HSDL1: variants seen among roughly 807,000 people sequenced by gnomAD.
HSDL1 encodes the protein inactive hydroxysteroid dehydrogenase-like protein 1.
In HSDL1, 29 loss-of-function variants were observed where a neutral mutation model predicts 31.5. The ratio of observed to expected loss-of-function variants is 0.92; its 90% CI spans 0.69 to 1.26. The LOEUF is 1.26. HSDL1 is among the 50% of genes most tolerant of loss of function. The pLI, the probability that HSDL1 is intolerant of heterozygous loss-of-function variation, is 0.00. For missense variants in HSDL1, 503 were observed against 416.6 expected, an observed-to-expected ratio of 1.21 and a Z score of -1.81; for synonymous variants, 222 against 155.2, an observed-to-expected ratio of 1.43 and a Z score of -3.20.
chr16:84,134,591 G>A (rs1013815748), intron 2 of HSDL1, among the ~76,000 whole-genome samples: 6 of 152,070 alleles, frequency 3.9e-5, no homozygotes, highest in South Asian at 2.1e-4. Flanking sequence ...CAGCCTGGGC[G>A]ACAGAGTTAG....
intron 1 of HSDL1, among the ~76,000 whole-genome samples, chr16:84,139,047 A>T (rs1163245666): frequency 6.6e-6 from 1 of 152,208 alleles, no homozygotes; most frequent in Non-Finnish European, 1.5e-5. Flanking sequence ...AATGCGTGTG[A>T]CGTGGGGCGG....
chr16:84,137,790 C>G (rs569393359), intron 1 of HSDL1, among the ~76,000 whole-genome samples: 1 of 152,356 alleles, frequency 6.6e-6, no homozygotes, highest in Admixed American at 6.5e-5. Context: ...ATTTCAAAAG[C>G]TCATAGCCTC....
In HSDL1 at chr16:84,130,575, A is replaced by G. The variant is rs547705959; in HGVS notation, c.221-144T>C. 9.3e-5 allele frequency: 61 copies of G among 659,142 alleles called. 1 individual carries two copies. Among genetic ancestry groups the G allele is most frequent in the South Asian group, 8.9e-4 (47 of 52,742 alleles). The allele number at this position is 659,142 out of a possible 1,614,324, so 40.8% of individuals were successfully genotyped here. On this transcript the variant is annotated intron_variant, in intron 3 of 5. Transcript: ENST00000219439. Reference sequence around the variant, plus strand: ...GTTCTAGTATCTACAAGTCAAGGACACTGTTGCTGAATGAGGAATGTGAAG... The same window carrying G: ...GTTCTAGTATCTACAAGTCAAGGACGCTGTTGCTGAATGAGGAATGTGAAG...
chr16:84,144,127 T>C (rs1275173102), intron 1 of HSDL1, among the ~76,000 whole-genome samples: 1 of 148,382 alleles, frequency 6.7e-6, no homozygotes, highest in Non-Finnish European at 1.5e-5. Context: ...GAGAGCTCAC[T>C]TTATGCAAAA....
intron 1 of HSDL1, among the ~76,000 whole-genome samples, chr16:84,143,196 C>A (rs889865208): frequency 1.3e-5 from 2 of 152,282 alleles, no homozygotes; most frequent in Middle Eastern, 3.4e-3. Flanking sequence ...CAGAAACAAA[C>A]AAAATGTCCA....
At chr16:84,136,040 C>T (rs1481019291) in intron 1 of HSDL1, among the ~76,000 whole-genome samples, 1 of 152,242 alleles carries the variant, frequency 6.6e-6, no homozygotes, top group Non-Finnish European at 1.5e-5. Flanking sequence ...CTGGGCCTCC[C>T]ACTGCCTCAC....
At chr16:84,141,157 C>G (rs938425376) in intron 1 of HSDL1, among the ~76,000 whole-genome samples, 2 of 152,176 alleles carry the variant, frequency 1.3e-5, no homozygotes, top group African/African-American at 4.8e-5. Flanking sequence ...GGAACCACAC[C>G]ACATGGACCC....
chr16:84,128,150 G>A (rs11641676), intron 5 of HSDL1, among the ~76,000 whole-genome samples: 57,975 of 151,340 alleles, frequency 0.38, 11,321 homozygotes, highest in East Asian at 0.66. Flanking sequence ...TTTGCTGGGC[G>A]TGGTGGCAGG....
In HSDL1 at chr16:84,124,336, T is replaced by C. The variant is rs1051176938; in HGVS notation, c.*294A>G. The C allele has an allele frequency of 9.0e-6, 2 of 221,786 alleles. No homozygotes were observed. The highest frequency in any genetic ancestry group is 1.8e-5 in the Non-Finnish European group (2 of 110,354). 13.7% of individuals were successfully genotyped at this position (221,786 alleles called of 1,614,324 possible). A position where few individuals can be genotyped will look rare whatever the true frequency, so the allele number is the denominator to read the frequency against. The stretch of plus-strand genomic sequence containing the variant: ...ATCATATTATATTTCAATATTAGAC[T>C]GCTGTGGCTCTAGAACAACAGAAAA... On this transcript the variant is annotated 3_prime_UTR_variant, in exon 6 of 6. Transcript: ENST00000219439.
At chr16:84,144,323 G>A (rs1486072213) in intron 1 of HSDL1, 1 of 152,318 alleles carries the variant, frequency 6.6e-6, no homozygotes, top group Non-Finnish European at 1.5e-5. Flanking sequence ...GCAAGGCGCA[G>A]AGTCCTGTCC....
At chr16:84,128,098 G>A (rs1424246334) in intron 5 of HSDL1, among the ~76,000 whole-genome samples, 2 of 151,352 alleles carry the variant, frequency 1.3e-5, no homozygotes, top group Non-Finnish European at 2.9e-5. Flanking sequence ...AGACCAGCCT[G>A]ACCAACATGG....
chr16:84,130,311 G>GT lies in HSDL1; in HGVS notation c.340dup (p.Thr114AsnfsTer7). On this transcript the variant is annotated frameshift_variant, in exon 4 of 6. Transcript: ENST00000219439. LOFTEE classifies it high-confidence loss of function. ...TATAATATCAGTTTCCACTTTGTAC[G>GT]TGTCGGCTATGTCTTTAGCAACAAC... 1 of 1,614,170 alleles carries GT rather than the reference G, an allele frequency of 6.2e-7. No individual in the cohort carries two copies. The highest frequency in any genetic ancestry group is 8.5e-7 in the Non-Finnish European group (1 of 1,180,036).
chr16:84,138,962 A>G (rs2086738851), intron 1 of HSDL1, among the ~76,000 whole-genome samples: 1 of 152,212 alleles, frequency 6.6e-6, no homozygotes, highest in African/African-American at 2.4e-5. Context: ...ATCAACTCAA[A>G]TAGAAAAACC....
intron 5 of HSDL1, among the ~76,000 whole-genome samples, chr16:84,128,016 G>A (rs1597372426): frequency 6.8e-6 from 1 of 147,596 alleles, no homozygotes; most frequent in African/African-American, 2.5e-5. Flanking sequence ...ACCACGCCCT[G>A]CCAGCTCACG....
chr16:84,140,496 C>G (rs1302650577), intron 1 of HSDL1, among the ~76,000 whole-genome samples: 1 of 152,120 alleles, frequency 6.6e-6, no homozygotes, highest in Non-Finnish European at 1.5e-5. Flanking sequence ...AACTCCTGAC[C>G]TCAAGTGATC....
In HSDL1 at chr16:84,122,802, C is replaced by G. The variant is rs749337627; in HGVS notation, c.*1828G>C. ...TTCACTGCAGCTATGGACAGCTCGG[C>G]ACCACATTTGCACCAATCAGCATGT... On this transcript the variant is annotated 3_prime_UTR_variant, in exon 6 of 6. Coordinates refer to ENST00000219439, the MANE Select transcript of HSDL1 (RefSeq NM_031463.5). The G allele has an allele frequency of 6.6e-6, 1 of 152,224 alleles. No individual in the cohort carries two copies. Among genetic ancestry groups the G allele is most frequent in the African/African-American group, 2.4e-5 (1 of 41,442 alleles). The allele number at this position is 152,224 out of a possible 1,614,324, so 9.4% of individuals were successfully genotyped here.
At chr16:84,136,615 G>C (rs934365115) in intron 1 of HSDL1, among the ~76,000 whole-genome samples, 1 of 152,234 alleles carries the variant, frequency 6.6e-6, no homozygotes, top group South Asian at 2.1e-4. Context: ...GGCCAGCAGA[G>C]GAGATGCACC....
intron 1 of HSDL1, among the ~76,000 whole-genome samples, chr16:84,136,394 G>T (rs1168741265): frequency 6.6e-6 from 1 of 152,240 alleles, no homozygotes; most frequent in Non-Finnish European, 1.5e-5. Flanking sequence ...CAGGGCAGAG[G>T]CCAGATTCTA....
chr16:84,127,670 TA>T (rs150968702), intron 5 of HSDL1, among the ~76,000 whole-genome samples: 4,414 of 138,014 alleles, frequency 0.032, 83 homozygotes, highest in Non-Finnish European at 0.05. Flanking sequence ...CTCCGAATAT[TA>T]AAAAAAAAAA....
Sources: allele counts gnomAD v4.1 joint callset (sites outside exome capture counted in the v4.1 genomes callset), GRCh38; gene constraint gnomAD v4.1.1; transcripts MANE v1.5; gene names NCBI Gene and HGNC (gene_info 2026-07-23, HGNC 2026-07-21).